Variants in RBFOX3 observed in about 807,000 individuals in gnomAD.
RBFOX3 encodes RNA binding fox-1 homolog 3, also known as RNA binding protein fox-1 homolog 3.
Under a neutral mutation model 48.7 loss-of-function variants are expected in RBFOX3, and 17 were observed. The observed-to-expected ratio is 0.35, with a 90% CI of 0.24 to 0.52. The LOEUF (loss-of-function observed/expected upper bound fraction) is 0.52. Ranked by LOEUF, RBFOX3 falls within the 20% of genes least tolerant of loss-of-function variation. The pLI is 0.94. For synonymous variants in RBFOX3, 212 were observed against 209.5 expected, an observed-to-expected ratio of 1.01 and a Z score of -0.10; for missense variants, 382 against 497.5, an observed-to-expected ratio of 0.77 and a Z score of 2.21.
intron 4 of RBFOX3, among the ~76,000 whole-genome samples, chr17:79,131,282 C>T (rs905726952): frequency 6.6e-6 from 1 of 151,700 alleles, no homozygotes; most frequent in Admixed American, 6.6e-5. Context: ...ATGTGCCCTC[C>T]GTGTGTATTC....
chr17:79,335,884 A>G (rs534884290), intron 2 of RBFOX3, among the ~76,000 whole-genome samples: 37 of 152,258 alleles, frequency 2.4e-4, no homozygotes, highest in Middle Eastern at 6.8e-3. Context: ...CCTGTTCAAT[A>G]TTGGAACTTT....
intron 4 of RBFOX3, among the ~76,000 whole-genome samples, chr17:79,226,225 CTA>C (rs1244807145): frequency 6.6e-6 from 1 of 152,086 alleles, no homozygotes; most frequent in Non-Finnish European, 1.5e-5. Context: ...ATAGGAGGTC[CTA>C]TATGGGAGGG....
At chr17:79,495,137 G>A (rs1026158280) in intron 1 of RBFOX3, among the ~76,000 whole-genome samples, 3 of 151,882 alleles carry the variant, frequency 2.0e-5, no homozygotes, top group Non-Finnish European at 2.9e-5. Flanking sequence ...CCTGTTTCCC[G>A]GTCCCCTCGA....
At chr17:79,261,491 G>A (rs1216702663) in intron 3 of RBFOX3, among the ~76,000 whole-genome samples, 1 of 152,232 alleles carries the variant, frequency 6.6e-6, no homozygotes, top group Admixed American at 6.5e-5. Flanking sequence ...TGGAGGCGCT[G>A]TACTGCCACA....
chr17:79,611,376 G>A (rs975855037), upstream of RBFOX3, among the ~76,000 whole-genome samples: 1 of 151,674 alleles, frequency 6.6e-6, no homozygotes, highest in Non-Finnish European at 1.5e-5. Flanking sequence ...AGCCATGACC[G>A]GGTGGGCTTC....
At chr17:79,415,864 T>A (rs1330742157) in intron 2 of RBFOX3, among the ~76,000 whole-genome samples, 1 of 151,660 alleles carries the variant, frequency 6.6e-6, no homozygotes, top group Admixed American at 6.6e-5. Flanking sequence ...ACTGCAGGGG[T>A]CTCTGAGCAT....
Position 79,111,049 on chromosome 17 carries a change from T to A in RBFOX3, c.223-4261A>T, listed in dbSNP as rs889445586. On this transcript the variant is annotated intron_variant, in intron 5 of 14. Coordinates refer to ENST00000693108, the MANE Select transcript of RBFOX3 (RefSeq NM_001350451.2). This position sits in a 1 kb window ranked among gnomAD's most constrained non-coding sequence, Gnocchi z 4.2. ...AGGGCCTTGGCCAGACTGTGAAGCC[T>A]GTAGTTATAGATGAGGTGGTCCAAA... Among the ~76,000 whole-genome samples the A allele has an allele frequency of 6.6e-6, 1 of 152,172 alleles. No homozygotes were observed.
At chr17:79,508,735 T>G (rs1000732553) in intron 1 of RBFOX3, 19 of 151,826 alleles carry the variant, frequency 1.3e-4, no homozygotes, top group African/African-American at 4.6e-4. Context: ...CACCCCACAC[T>G]CCGCACACCC....
chr17:79,620,379 ACACATGCACACATGCC>A, the RBFOX3 span, among the ~76,000 whole-genome samples: 1 of 139,716 alleles, frequency 7.2e-6, no homozygotes, highest in South Asian at 2.4e-4. Flanking sequence ...GGACATACAC[ACACATGCACACATGCC>A]CACATGCACA....
intron 3 of RBFOX3, among the ~76,000 whole-genome samples, chr17:79,246,292 G>T (rs749865454): frequency 2.6e-5 from 4 of 152,180 alleles, no homozygotes; most frequent in Non-Finnish European, 5.9e-5. Context: ...CTGCCTTGCA[G>T]CCAGGCACAG....
chr17:79,576,143 G>A (rs1367533240), intron 1 of RBFOX3, among the ~76,000 whole-genome samples: 3 of 152,244 alleles, frequency 2.0e-5, no homozygotes, highest in African/African-American at 7.2e-5. Context: ...AAGGCCTGAA[G>A]AGCAGAAACT....
At chr17:79,124,716 C>A (rs563487480) in intron 4 of RBFOX3, among the ~76,000 whole-genome samples, 4 of 152,322 alleles carry the variant, frequency 2.6e-5, no homozygotes, top group African/African-American at 9.6e-5. Flanking sequence ...GAGTGGCTGG[C>A]CTGCCAGGCC....
chr17:79,574,094 G>A (rs1267346808), intron 1 of RBFOX3, among the ~76,000 whole-genome samples: 1 of 152,328 alleles, frequency 6.6e-6, no homozygotes, highest in Admixed American at 6.5e-5. Flanking sequence ...AATCTGAGGG[G>A]TTGTTTAAAA....
intron 2 of RBFOX3, among the ~76,000 whole-genome samples, chr17:79,378,356 G>T (rs561166168): frequency 1.3e-5 from 2 of 152,304 alleles, no homozygotes; most frequent in South Asian, 2.1e-4. Context: ...CTTCATGAGG[G>T]GGATCCCACT....
At chr17:79,134,074 C>T (rs764544376) in intron 4 of RBFOX3, among the ~76,000 whole-genome samples, 38 of 152,276 alleles carry the variant, frequency 2.5e-4, no homozygotes, top group Non-Finnish European at 4.6e-4. Flanking sequence ...GGGGTGGAGA[C>T]GGCGGGAAGG....
At chr17:79,116,925 G>A (rs1208933547) in intron 4 of RBFOX3, among the ~76,000 whole-genome samples, 1 of 152,228 alleles carries the variant, frequency 6.6e-6, no homozygotes, top group Non-Finnish European at 1.5e-5. Context: ...CGGGTTCCAG[G>A]GCGCACCCCA....
intron 4 of RBFOX3, among the ~76,000 whole-genome samples, chr17:79,174,206 T>C (rs893020688): frequency 1.1e-4 from 17 of 152,210 alleles, no homozygotes; most frequent in African/African-American, 4.1e-4. Flanking sequence ...TCACTATCAC[T>C]TAGCTGTCCT....
chr17:79,320,751 C>T (rs1480077027), intron 2 of RBFOX3, among the ~76,000 whole-genome samples: 1 of 152,158 alleles, frequency 6.6e-6, no homozygotes, highest in Admixed American at 6.5e-5. Flanking sequence ...CGCCTGCTCT[C>T]GGTGTGAGTC....
chr17:79,182,456 GT>G (rs1232912805), intron 4 of RBFOX3, among the ~76,000 whole-genome samples: 5 of 152,292 alleles, frequency 3.3e-5, no homozygotes, highest in African/African-American at 9.6e-5. Context: ...AGACGAGGGA[GT>G]CCCCCTCTGT....
Sources: gnomAD v4.1 joint callset for allele counts (sites outside exome capture counted in the v4.1 genomes callset) on GRCh38, gnomAD v4.1.1 for gene constraint, Gnocchi (gnomAD v3.1) non-coding constraint, MANE v1.5 for transcripts, NCBI Gene and HGNC (gene_info 2026-07-23, HGNC 2026-07-21) for gene names.